UBE2V2: variants seen among roughly 807,000 people sequenced by gnomAD.
UBE2V2 encodes ubiquitin-conjugating enzyme E2 variant 2.
In UBE2V2, 9 loss-of-function variants were observed where a neutral mutation model predicts 17.2. The observed-to-expected ratio is 0.52, with a 90% CI of 0.32 to 0.91. UBE2V2 has a LOEUF of 0.91. Among genes scored for constraint, UBE2V2 ranks in the 40% least tolerant of loss-of-function variants. The pLI is 0.04. For synonymous variants in UBE2V2, 61 were observed against 57.5 expected (o/e 1.06, Z -0.28); for missense variants, 133 against 182.6 (o/e 0.73, Z 1.56).
At chr8:48,036,523 A>T (rs777012219) in intron 1 of UBE2V2, among the ~76,000 whole-genome samples, 6 of 151,780 alleles carry the variant, frequency 4.0e-5, no homozygotes, top group Admixed American at 6.6e-5. Context: ...AACCTCTGCC[A>T]CCTGGGTTCA....
At chr8:48,054,093 G>A (rs1421767097) in intron 3 of UBE2V2, among the ~76,000 whole-genome samples, 1 of 152,178 alleles carries the variant, frequency 6.6e-6, no homozygotes, top group Non-Finnish European at 1.5e-5. Flanking sequence ...ACAGGCTTGA[G>A]CCACCACGTC....
At chr8:48,017,246 G>T (rs2091275391) in intron 1 of UBE2V2, among the ~76,000 whole-genome samples, 1 of 152,012 alleles carries the variant, frequency 6.6e-6, no homozygotes, top group Admixed American at 6.6e-5. Flanking sequence ...TGTCTATTCA[G>T]ATCTTTTACC....
chr8:48,053,130 G>A (rs574995396), intron 3 of UBE2V2, among the ~76,000 whole-genome samples: 2 of 152,072 alleles, frequency 1.3e-5, no homozygotes, highest in Non-Finnish European at 2.9e-5. Context: ...CTCCTGACCC[G>A]CGTTGGCCTC....
At chr8:48,058,758 C>T (rs1240498717) in intron 3 of UBE2V2, among the ~76,000 whole-genome samples, 1 of 151,796 alleles carries the variant, frequency 6.6e-6, no homozygotes, top group East Asian at 1.9e-4. Context: ...GTATTTATAT[C>T]ATGAAAGGTT....
intron 1 of UBE2V2, among the ~76,000 whole-genome samples, chr8:48,010,374 G>A (rs1217247569): frequency 6.7e-6 from 1 of 150,270 alleles, no homozygotes; most frequent in Admixed American, 6.7e-5. Flanking sequence ...GGATTACAGG[G>A]GTGAGCCACC....
chr8:48,051,594 TC>T (rs2091538951), intron 3 of UBE2V2, among the ~76,000 whole-genome samples: 2 of 152,194 alleles, frequency 1.3e-5, no homozygotes, highest in African/African-American at 4.8e-5. Context: ...CTATGATTCT[TC>T]CTTTCCAGTT....
chr8:48,004,783 C>T (rs1433960451), upstream of UBE2V2, among the ~76,000 whole-genome samples: 1 of 152,006 alleles, frequency 6.6e-6, no homozygotes, highest in African/African-American at 2.4e-5. Context: ...CCTGCCTTGG[C>T]CTCCTGAAGT....
chr8:48,011,557 T>C (rs1430279900), intron 1 of UBE2V2, among the ~76,000 whole-genome samples: 1 of 152,180 alleles, frequency 6.6e-6, no homozygotes, highest in African/African-American at 2.4e-5. Context: ...CCCTGACAAA[T>C]ATGTTTTGAT....
At chr8:48,006,035 A>G (rs2091180575), upstream of UBE2V2, among the ~76,000 whole-genome samples, 1 of 152,064 alleles carries the variant, frequency 6.6e-6, no homozygotes, top group Non-Finnish European at 1.5e-5. Context: ...CCATTTGTCA[A>G]TTTTGGCTTT....
chr8:48,002,548 G>A, the UBE2V2 span, among the ~76,000 whole-genome samples: 1 of 152,106 alleles, frequency 6.6e-6, no homozygotes. Context: ...AGCACTTTGG[G>A]AAGCCGAGGT....
chr8:48,037,042 C>CGT (rs2091429686), intron 1 of UBE2V2, among the ~76,000 whole-genome samples: 1 of 152,072 alleles, frequency 6.6e-6, no homozygotes, highest in Non-Finnish European at 1.5e-5. Context: ...AGCCATGCAT[C>CGT]GTGGCAGGCA....
intron 3 of UBE2V2, 196 bp downstream of exon 3, chr8:48,050,174 T>G: frequency 2.7e-6 from 1 of 371,740 alleles, no homozygotes; most frequent in East Asian, 4.7e-5. Context: ...AATTAGGCCA[T>G]CCTTAAAAAC....
chr8:48,032,753 C>T (rs1281633607), intron 1 of UBE2V2, among the ~76,000 whole-genome samples: 1 of 152,124 alleles, frequency 6.6e-6, no homozygotes. Flanking sequence ...CACACATGCA[C>T]ACACACCCCA....
chr8:48,010,267 C>G (rs1359807646), intron 1 of UBE2V2, among the ~76,000 whole-genome samples: 1 of 147,034 alleles, frequency 6.8e-6, no homozygotes, highest in Non-Finnish European at 1.5e-5. Flanking sequence ...GATGGAGTCT[C>G]GCTGCATTGC....
intron 1 of UBE2V2, among the ~76,000 whole-genome samples, chr8:48,037,285 G>A (rs2154507546): frequency 6.6e-6 from 1 of 152,254 alleles, no homozygotes; most frequent in East Asian, 1.9e-4. Context: ...TAAGGCTTTA[G>A]AAATAATGTG....
Position 48,011,167 on chromosome 8 carries a change from G to A in UBE2V2, c.16+2697G>A, listed in dbSNP as rs561194582. On this transcript the variant is annotated intron_variant, in intron 1 of 3. Coordinates refer to ENST00000523111, the MANE Select transcript of UBE2V2 (RefSeq NM_003350.3). ...TTAAAATTAGATGAGCTACATCGAT[G>A]TAATGCACGTGTTTGTTTGAAACGG... 5.3e-5 allele frequency among the ~76,000 whole-genome samples: 8 copies of A among 152,218 alleles called. No individual in the cohort carries two copies. In the South Asian group the frequency reaches 1.7e-3, roughly 32 times the overall value.
At chr8:48,042,787 A>T (rs891158195) in intron 1 of UBE2V2, 7 of 305,064 alleles carry the variant, frequency 2.3e-5, no homozygotes, top group Non-Finnish European at 4.2e-5. Flanking sequence ...ATCAGTATAA[A>T]ATTGATGAGG....
intron 1 of UBE2V2, among the ~76,000 whole-genome samples, chr8:48,015,523 G>A (rs1199527471): frequency 2.0e-5 from 3 of 152,160 alleles, no homozygotes; most frequent in Non-Finnish European, 4.4e-5. Context: ...TAGCTACTGA[G>A]TATTTTTCAA....
At chr8:48,028,248 A>G (rs537892735) in intron 1 of UBE2V2, among the ~76,000 whole-genome samples, 12 of 150,314 alleles carry the variant, frequency 8.0e-5, no homozygotes, top group Non-Finnish European at 1.3e-4. Flanking sequence ...GCTCACTGCA[A>G]CCTCCATCTC....
Sources: allele counts gnomAD v4.1 joint callset (sites outside exome capture counted in the v4.1 genomes callset), GRCh38; gene constraint gnomAD v4.1.1; transcripts MANE v1.5; gene names NCBI Gene and HGNC (gene_info 2026-07-23, HGNC 2026-07-21).